The following ARMC12 variants were observed in gnomAD, a reference collection of about 807,000 sequenced individuals.
ARMC12 encodes armadillo repeat containing 12, also known as armadillo repeat-containing protein 12.
Under a neutral mutation model 37.4 loss-of-function variants are expected in ARMC12, and 25 were observed. That is an observed-to-expected ratio of 0.67 (90% confidence interval 0.49 to 0.93). The LOEUF is 0.93. ARMC12 is among the 40% of genes least tolerant of loss of function. The pLI is 0.00. For missense variants in ARMC12, 384 were observed against 426.6 expected (o/e 0.90, Z 0.88); for synonymous variants, 167 against 176.1 (o/e 0.95, Z 0.41).
At chr6:35,733,453 A>G (rs1272260538), upstream of ARMC12, among the ~76,000 whole-genome samples, 1 of 152,176 alleles carries the variant, frequency 6.6e-6, no homozygotes, top group Non-Finnish European at 1.5e-5. Flanking sequence ...TATTGTTTCT[A>G]TTTTACAGGT....
At position 35,746,989 on chromosome 6, in the gene ARMC12, G is replaced by T. The variant is rs140245550; in HGVS notation, c.445-272G>T. ...CGTATTTAACACTGTGAGTCTGGAT[G>T]ATACCGGTATGGGAGTGAGGTAGGT... On this transcript the variant is annotated intron_variant, in intron 3 of 5. Transcript: ENST00000373866. Among the ~76,000 whole-genome samples the T allele has an allele frequency of 1.3e-3, 199 of 148,434 alleles. 5 individuals are homozygous for T. The South Asian group carries it at 0.017, about 13-fold the overall frequency.
rs1385642847 is a variant in ARMC12 at position 35,738,078 on chromosome 6, G to A, written c.215G>A (p.Arg72Lys). Residue 72 changes from arginine (R) to lysine (K), a missense_variant, in exon 2 of 6, where the codon AGG (arginine) becomes AAG (lysine). Coordinates refer to ENST00000373866, the MANE Select transcript of ARMC12 (RefSeq NM_001286574.2). ...GGGCGGGACTCAGGTGAGCTCCGGA[G>A]GCTCCTCAACTCTTTGGAGTGCAAA... Reference protein sequence around the residue: ...RHGRDSGELRRLLNSLECKQD... With the variant: ...RHGRDSGELRKLLNSLECKQD... 1 of 1,614,040 alleles carries A rather than the reference G, an allele frequency of 6.2e-7. No individual in the cohort carries two copies. Among genetic ancestry groups the A allele is most frequent in the African/African-American group, 1.3e-5 (1 of 75,022 alleles).
intron 3 of ARMC12, among the ~76,000 whole-genome samples, chr6:35,745,533 A>G (rs1767310959): frequency 1.3e-5 from 2 of 152,132 alleles, no homozygotes; most frequent in South Asian, 4.1e-4. Context: ...TGGCAATGGG[A>G]CAGTTCTGGT....
chr6:35,743,348 C>T (rs1767235404), intron 3 of ARMC12, among the ~76,000 whole-genome samples: 1 of 152,040 alleles, frequency 6.6e-6, no homozygotes, highest in Non-Finnish European at 1.5e-5. Flanking sequence ...TCCCGAGTAG[C>T]TGGGATTACA....
chr6:35,748,420 A>C, intron 5 of ARMC12, 118 bp from the exon 6 acceptor site: 1 of 771,572 alleles, frequency 1.3e-6, no homozygotes, highest in Non-Finnish European at 1.8e-6. Context: ...AAATTACTAT[A>C]TACTCGAGTC....
At chr6:35,738,314 G>A in intron 2 of ARMC12, 70 bp from the exon 3 acceptor site, 1 of 1,533,426 alleles carries the variant, frequency 6.5e-7, no homozygotes. Flanking sequence ...AGGGATCTTG[G>A]TGACATGGGG....
At chr6:35,748,091 A>T (rs1342098337) in intron 5 of ARMC12, among the ~76,000 whole-genome samples, 1 of 152,260 alleles carries the variant, frequency 6.6e-6, no homozygotes, top group East Asian at 1.9e-4. Context: ...AAATTAACAA[A>T]TATACCACTA....
upstream of ARMC12, among the ~76,000 whole-genome samples, chr6:35,732,970 T>TC (rs1766870322): frequency 6.6e-6 from 1 of 152,168 alleles, no homozygotes; most frequent in Non-Finnish European, 1.5e-5. Context: ...GTGTAGGAGT[T>TC]CGAGACCAGC....
At chr6:35,742,357 G>A (rs1767196935) in intron 3 of ARMC12, among the ~76,000 whole-genome samples, 2 of 151,620 alleles carry the variant, frequency 1.3e-5, no homozygotes, top group South Asian at 4.2e-4. Context: ...TTAGCCGGAC[G>A]TGGTGGCGGG....
chr6:35,733,097 G>A (rs1272758560), upstream of ARMC12, among the ~76,000 whole-genome samples: 1 of 152,200 alleles, frequency 6.6e-6, no homozygotes, highest in Non-Finnish European at 1.5e-5. Flanking sequence ...GCTTGAACCT[G>A]GGAGGCGGAG....
intron 3 of ARMC12, 67 bp from the exon 4 acceptor site, chr6:35,747,194 A>G (rs1767364897): frequency 2.6e-6 from 4 of 1,539,350 alleles, no homozygotes; most frequent in Admixed American, 1.8e-5. Flanking sequence ...AGTGAAGAGT[A>G]AAGTCAGATA....
intron 3 of ARMC12, among the ~76,000 whole-genome samples, chr6:35,743,378 C>T (rs569939216): frequency 7.2e-5 from 11 of 152,126 alleles, no homozygotes; most frequent in Non-Finnish European, 1.0e-4. Context: ...CACCACGTTC[C>T]GCTGATTTTT....
intron 3 of ARMC12, among the ~76,000 whole-genome samples, chr6:35,744,711 C>T (rs1446503493): frequency 6.6e-6 from 1 of 152,090 alleles, no homozygotes; most frequent in African/African-American, 2.4e-5. Flanking sequence ...GCCGAGATCG[C>T]ACCACTGCAC....
chr6:35,738,289 G>GC, intron 2 of ARMC12, 95 bp from the exon 3 acceptor site: 1 of 1,427,812 alleles, frequency 7.0e-7, no homozygotes, highest in South Asian at 1.3e-5. Flanking sequence ...ATAGCGGTGG[G>GC]GGGGGGGTGT....
intron 3 of ARMC12, among the ~76,000 whole-genome samples, chr6:35,740,854 C>T (rs1052312540): frequency 1.3e-5 from 2 of 149,978 alleles, no homozygotes; most frequent in East Asian, 1.9e-4. Flanking sequence ...CTCCCTGCTA[C>T]GTGGAGAGAT....
chr6:35,739,622 T>C (rs1319639594), intron 3 of ARMC12, among the ~76,000 whole-genome samples: 2 of 152,244 alleles, frequency 1.3e-5, no homozygotes, highest in African/African-American at 2.4e-5. Flanking sequence ...TGTCATGCTT[T>C]AAGGCCCAGG....
intron 3 of ARMC12, among the ~76,000 whole-genome samples, chr6:35,744,291 A>G (rs1240785349): frequency 1.3e-5 from 2 of 151,776 alleles, no homozygotes; most frequent in African/African-American, 4.8e-5. Context: ...ACAGGTGTAC[A>G]CCACCATGCC....
chr6:35,741,346 A>G (rs1767161640), intron 3 of ARMC12, among the ~76,000 whole-genome samples: 2 of 151,392 alleles, frequency 1.3e-5, no homozygotes, highest in Non-Finnish European at 2.9e-5. Flanking sequence ...GGAGGTATCC[A>G]TTTTCACCCC....
At chr6:35,738,852 T>C (rs1280804650) in intron 3 of ARMC12, among the ~76,000 whole-genome samples, 1 of 152,068 alleles carries the variant, frequency 6.6e-6, no homozygotes, top group Non-Finnish European at 1.5e-5. Context: ...TCAGACACTA[T>C]CCATAGTTAG....
Sources: allele counts gnomAD v4.1 joint callset (sites outside exome capture counted in the v4.1 genomes callset), GRCh38; gene constraint gnomAD v4.1.1; transcripts MANE v1.5; gene names NCBI Gene and HGNC (gene_info 2026-07-23, HGNC 2026-07-21).